The following ERBB2 variants were observed in gnomAD, a reference collection of about 807,000 sequenced individuals.
ERBB2 encodes the protein receptor tyrosine-protein kinase erbB-2.
ERBB2 carries 61 observed loss-of-function variants against 149.0 expected under a neutral mutation model. The observed-to-expected ratio is 0.41, with a 90% CI of 0.33 to 0.51. The LOEUF (loss-of-function observed/expected upper bound fraction) is 0.51. Ranked by LOEUF, ERBB2 falls within the 20% of genes least tolerant of loss-of-function variation. The pLI, the probability that ERBB2 is intolerant of heterozygous loss-of-function variation, is 0.25. For synonymous variants in ERBB2, 633 were observed against 678.8 expected (o/e 0.93, Z 1.05); for missense variants, 1,205 against 1,655.1 (o/e 0.73, Z 4.72).
At position 39,726,990 on chromosome 17, in the gene ERBB2, G is replaced by A. The variant is rs104886025; in HGVS notation, c.3146G>A (p.Ser1049Asn). The A allele has an allele frequency of 6.2e-7, 1 of 1,601,042 alleles. No individual in the cohort carries two copies. Among genetic ancestry groups the A allele is most frequent in the East Asian group, 2.2e-5 (1 of 44,812 alleles). The change falls in exon 25 of 27, where the codon AGC becomes AAC. Residue 1049 changes from serine (S) to asparagine (N), a missense_variant. Transcript: ENST00000269571. The surrounding 1 kb of genome is among the most constrained non-coding windows in gnomAD (Gnocchi z 5.1). ...AGGMVHHRHR[S>N]SSTRSGGGDL... ...GGCATGGTCCACCACAGGCACCGCA[G>A]CTCATCTACCAGGGTCAGTGCCCTC...
rs141494080 is a variant in ERBB2, at chr17:39,727,998, C to G, written c.3722C>G (p.Pro1241Arg). 4 of 1,610,992 alleles carry G rather than the reference C, an allele frequency of 2.5e-6. No homozygotes were observed. In the African/African-American group the frequency reaches 5.3e-5, roughly 22 times the overall value. Residue 1241 changes from proline to arginine, a missense_variant, in exon 27 of 27, where the codon CCT becomes CGT. Pro to Arg is a moderately radical substitution (Grantham distance 103). Transcript: ENST00000269571. The surrounding 1 kb of genome is among the most constrained non-coding windows in gnomAD (Gnocchi z 4.3). ...GAPPSTFKGTPTAENPEYLGL... is the reference protein window; with the variant it reads ...GAPPSTFKGTRTAENPEYLGL... The stretch of plus-strand genomic sequence containing the variant: ...CCACCCAGCACCTTCAAAGGGACAC[C>G]TACGGCAGAGAACCCAGAGTACCTG...
chr17:39,697,236 G>A (rs1435648661), upstream of ERBB2, among the ~76,000 whole-genome samples: 1 of 151,968 alleles, frequency 6.6e-6, no homozygotes, highest in African/African-American at 2.4e-5. Context: ...AATATTTCTC[G>A]AATGTTTGTG....
At chr17:39,714,771 T>C (rs1374477781) in intron 9 of ERBB2, among the ~76,000 whole-genome samples, 1 of 151,574 alleles carries the variant, frequency 6.6e-6, no homozygotes, top group East Asian at 1.9e-4. Context: ...AGATTTCTTT[T>C]CTTTTTTTTT....
intron 20 of ERBB2, 57 bp downstream of exon 20, chr17:39,724,968 G>A (rs2145857593): frequency 6.2e-7 from 1 of 1,607,842 alleles, no homozygotes; most frequent in Non-Finnish European, 8.5e-7. Flanking sequence ...GTCCACAAGG[G>A]GCTAGGATGG....
chr17:39,700,043 T>TAAGAAA, upstream of ERBB2: 1 of 1,264,584 alleles, frequency 7.9e-7, no homozygotes, highest in Non-Finnish European at 9.9e-7. Flanking sequence ...AGTATAAGAA[T>TAAGAAA]GAAGTTGTGA....
At chr17:39,698,730 G>A (rs555606883), upstream of ERBB2, among the ~76,000 whole-genome samples, 30 of 152,226 alleles carry the variant, frequency 2.0e-4, no homozygotes, top group African/African-American at 7.0e-4. Context: ...TGGGAGATGG[G>A]GGGGAGGGAA....
chr17:39,708,728 C>T (rs2058612287), intron 3 of ERBB2, among the ~76,000 whole-genome samples, 194 bp downstream of exon 3: 1 of 152,172 alleles, frequency 6.6e-6, no homozygotes, highest in Admixed American at 6.5e-5. Flanking sequence ...CTTGCGTCAG[C>T]ACATATAATT....
chr17:39,697,468 G>A (rs181340289), upstream of ERBB2, among the ~76,000 whole-genome samples: 1 of 150,146 alleles, frequency 6.7e-6, no homozygotes, highest in East Asian at 2.0e-4. Context: ...CGATTCACCT[G>A]CCTCAGCCTT....
At chr17:39,712,596 G>T in intron 9 of ERBB2, 148 bp downstream of exon 9, 2 of 909,812 alleles carry the variant, frequency 2.2e-6, no homozygotes, top group African/African-American at 3.3e-5. Flanking sequence ...AGAGGAGCAG[G>T]GCCTTTGGTG....
intron 3 of ERBB2, 144 bp from the exon 4 acceptor site, chr17:39,709,174 C>T (rs890002930): frequency 2.0e-5 from 18 of 909,854 alleles, no homozygotes; most frequent in Admixed American, 1.1e-4. Flanking sequence ...GACTCAAAGA[C>T]GGTAAAGATA....
chr17:39,728,401 T>C lies in ERBB2; in HGVS notation c.*357T>C, dbSNP rs1454486756. On this transcript the variant is annotated 3_prime_UTR_variant, in exon 27 of 27. Coordinates refer to ENST00000269571, the MANE Select transcript of ERBB2 (RefSeq NM_004448.4). ...GAGAGGGGAAGCGGCCCTAAGGGAG[T>C]GTCTAAGAACAAAAGCGACCCATTC... is the stretch of plus-strand genomic sequence containing the variant. 3.5e-6 allele frequency: 1 copy of C among 284,752 alleles called. No homozygotes were observed. Among genetic ancestry groups the C allele is most frequent in the Admixed American group, 4.7e-5 (1 of 21,160 alleles). 17.6% of individuals were successfully genotyped at this position (284,752 alleles called of 1,614,324 possible). A position where few individuals can be genotyped will look rare whatever the true frequency, so the allele number is the denominator to read the frequency against.
At chr17:39,702,531 C>T (rs1008215558) in intron 1 of ERBB2, among the ~76,000 whole-genome samples, 2 of 152,170 alleles carry the variant, frequency 1.3e-5, no homozygotes, top group Non-Finnish European at 2.9e-5. Context: ...CCAACAGCCT[C>T]CTCTCTTTAC....
At chr17:39,712,197 A>G in intron 8 of ERBB2, 125 bp from the exon 9 acceptor site, 1 of 1,521,414 alleles carries the variant, frequency 6.6e-7, no homozygotes, top group Non-Finnish European at 9.0e-7. Flanking sequence ...CCTCAGCCCT[A>G]CAAGTGTCCC....
intron 9 of ERBB2, 61 bp downstream of exon 9, chr17:39,712,509 A>C: frequency 1.3e-6 from 2 of 1,582,264 alleles, no homozygotes; most frequent in Non-Finnish European, 1.7e-6. Context: ...GAGGATCCAG[A>C]TGTGGCAGCA....
intron 12 of ERBB2, 50 bp from the exon 13 acceptor site, chr17:39,716,251 C>A: frequency 6.6e-7 from 1 of 1,518,236 alleles, no homozygotes; most frequent in Non-Finnish European, 8.8e-7. Context: ...TTCACTTGGA[C>A]CTGGGGCCTC....
chr17:39,700,194 G>T lies in ERBB2; in HGVS notation c.-45G>T. The stretch of plus-strand genomic sequence containing the variant: ...GCACCCCGCGCCCCGCGCCCTCCCA[G>T]CCGGGTCCAGCCGGAGCCATGGGGC... On this transcript the variant is annotated 5_prime_UTR_variant, in exon 1 of 27. Transcript: ENST00000269571. 7.2e-7 allele frequency: 1 copy of T among 1,395,720 alleles called. No homozygotes were observed. Among genetic ancestry groups the T allele is most frequent in the South Asian group, 1.6e-5 (1 of 62,564 alleles). 86.5% of individuals were successfully genotyped at this position (1,395,720 alleles called of 1,614,324 possible).
chr17:39,710,252 G>T (rs2145510465), intron 6 of ERBB2, 51 bp downstream of exon 6: 1 of 1,607,532 alleles, frequency 6.2e-7, no homozygotes. Flanking sequence ...AGGATGCAAG[G>T]GGTGGGCACC....
At position 39,726,828 on chromosome 17, in the gene ERBB2, G is replaced by C. The variant is rs1597890400; in HGVS notation, c.2984G>C (p.Gly995Ala). The change falls in exon 25 of 27, where the codon GGC becomes GCC. Residue 995 changes from glycine to alanine, a missense_variant. Around this residue, in one of 6 missense-constraint regions of ERBB2, gnomAD observed 312 missense variants for 343.8 expected, o/e 0.91. Transcript: ENST00000269571. The surrounding 1 kb of genome is among the most constrained non-coding windows in gnomAD (Gnocchi z 5.1). ...RFVVIQNEDLGPASPLDSTFY... is the reference protein window; with the variant it reads ...RFVVIQNEDLAPASPLDSTFY... ...CTTCCTCCACAGAATGAGGACTTGG[G>C]CCCAGCCAGTCCCTTGGACAGCACC... is the stretch of plus-strand genomic sequence containing the variant. 6.2e-7 allele frequency: 1 copy of C among 1,612,240 alleles called. No homozygotes were observed. Among genetic ancestry groups the C allele is most frequent in the Non-Finnish European group, 8.5e-7 (1 of 1,178,946 alleles).
At chr17:39,704,175 C>G (rs1357018651) in intron 1 of ERBB2, among the ~76,000 whole-genome samples, 4 of 152,182 alleles carry the variant, frequency 2.6e-5, no homozygotes, top group African/African-American at 4.8e-5. Context: ...TGTGGCTGGT[C>G]CTGCCTCATA....
Sources: gnomAD v4.1 joint callset for allele counts (sites outside exome capture counted in the v4.1 genomes callset) on GRCh38, gnomAD v4.1.1 for gene constraint, gnomAD v4.1.1 regional missense constraint, Gnocchi (gnomAD v3.1) non-coding constraint, MANE v1.5 for transcripts, NCBI Gene and HGNC (gene_info 2026-07-23, HGNC 2026-07-21) for gene names.